Variants in SLC24A2 observed in about 807,000 individuals in gnomAD.
SLC24A2 encodes sodium/potassium/calcium exchanger 2.
SLC24A2 carries 36 observed loss-of-function variants against 62.0 expected under a neutral mutation model. The observed-to-expected ratio is 0.58, with a 90% CI of 0.44 to 0.77. The LOEUF (loss-of-function observed/expected upper bound fraction) is 0.77, where lower values mean the gene tolerates loss of function less well. Ranked by LOEUF, SLC24A2 falls within the 30% of genes least tolerant of loss-of-function variation. The probability of loss-of-function intolerance (pLI) is 0.00; values close to 1 mark genes in which losing one functional copy is unlikely to be tolerated. For missense variants in SLC24A2, 846 were observed against 817.9 expected, an observed-to-expected ratio of 1.03 and a Z score of -0.42; for synonymous variants, 358 against 294.0, an observed-to-expected ratio of 1.22 and a Z score of -2.23.
intron 8 of SLC24A2, among the ~76,000 whole-genome samples, chr9:19,546,327 T>G (rs1834565967): frequency 6.6e-6 from 1 of 152,042 alleles, no homozygotes; most frequent in African/African-American, 2.4e-5. Flanking sequence ...CCCAGGGAGA[T>G]GGGGGTTTTA....
Position 19,514,035 on chromosome 9 carries a change from T to G in SLC24A2, c.*2118A>C, listed in dbSNP as rs1164618663. 1 of 152,146 alleles carries G rather than the reference T, an allele frequency of 6.6e-6. No individual in the cohort carries two copies. Among genetic ancestry groups the G allele is most frequent in the Non-Finnish European group, 1.5e-5 (1 of 68,040 alleles). 9.4% of individuals were successfully genotyped at this position (152,146 alleles called of 1,614,324 possible). On this transcript the variant is annotated 3_prime_UTR_variant, in exon 11 of 11. Coordinates refer to ENST00000341998, the MANE Select transcript of SLC24A2 (RefSeq NM_020344.4). Reference sequence around the variant, plus strand: ...CATCTGAAGACCCCAATCTGCCGAGTTGGAGAGACTTGAAAGCCAGCCTCC... The same window carrying G: ...CATCTGAAGACCCCAATCTGCCGAGGTGGAGAGACTTGAAAGCCAGCCTCC...
the SLC24A2 span, among the ~76,000 whole-genome samples, chr9:19,941,328 CA>C: frequency 1.3e-5 from 2 of 152,144 alleles, no homozygotes; most frequent in Non-Finnish European, 2.9e-5. Flanking sequence ...TCCAATTCAT[CA>C]GCATGTTTAG....
chr9:20,233,717 T>C, the SLC24A2 span, among the ~76,000 whole-genome samples: 1 of 152,190 alleles, frequency 6.6e-6, no homozygotes, highest in Non-Finnish European at 1.5e-5. Flanking sequence ...AAGCATTTAG[T>C]CCATTTACAT....
chr9:20,103,565 C>G, the SLC24A2 span, among the ~76,000 whole-genome samples: 1 of 152,162 alleles, frequency 6.6e-6, no homozygotes, highest in Middle Eastern at 3.2e-3. Flanking sequence ...CTGCAGCCAC[C>G]GCTGCTGATT....
chr9:19,853,971 C>T, the SLC24A2 span, among the ~76,000 whole-genome samples: 1 of 152,160 alleles, frequency 6.6e-6, no homozygotes. Context: ...GTATTACTGC[C>T]TCAATTTCAG....
At chr9:19,743,252 T>G (rs1006085630) in intron 2 of SLC24A2, among the ~76,000 whole-genome samples, 1 of 152,206 alleles carries the variant, frequency 6.6e-6, no homozygotes, top group South Asian at 2.1e-4. Flanking sequence ...GGTTATGTCA[T>G]AGGGTTAGTC....
intron 2 of SLC24A2, among the ~76,000 whole-genome samples, chr9:19,757,593 C>T (rs893787408): frequency 2.6e-5 from 4 of 152,122 alleles, no homozygotes; most frequent in African/African-American, 9.7e-5. Context: ...AATAAAGAAA[C>T]ATCTAAAATA....
chr9:19,536,216 TAC>T (rs1354286227), intron 8 of SLC24A2, among the ~76,000 whole-genome samples: 2 of 151,514 alleles, frequency 1.3e-5, no homozygotes, highest in East Asian at 3.8e-4. Flanking sequence ...TTTTTTTTAT[TAC>T]ACTTTAAGTT....
chr9:19,784,575 C>T (rs553943097), intron 2 of SLC24A2, among the ~76,000 whole-genome samples: 1 of 152,264 alleles, frequency 6.6e-6, no homozygotes, highest in African/African-American at 2.4e-5. Context: ...CAATGTACAC[C>T]ACCCAAACGG....
chr9:20,303,916 G>A, the SLC24A2 span, among the ~76,000 whole-genome samples: 4 of 152,146 alleles, frequency 2.6e-5, no homozygotes, highest in South Asian at 6.2e-4. Context: ...TGCTTTGGAG[G>A]TTTGGATGGG....
intron 2 of SLC24A2, among the ~76,000 whole-genome samples, chr9:19,748,016 C>A (rs535075548): frequency 6.6e-6 from 1 of 152,204 alleles, no homozygotes; most frequent in Non-Finnish European, 1.5e-5. Flanking sequence ...TAAGGGCTGA[C>A]ACTCAGTTGC....
the SLC24A2 span, among the ~76,000 whole-genome samples, chr9:19,990,654 GA>G: frequency 1.4e-5 from 2 of 145,062 alleles, no homozygotes; most frequent in Admixed American, 6.8e-5. Flanking sequence ...AAAAGGAAAA[GA>G]AAAAGAAAAT....
intron 2 of SLC24A2, among the ~76,000 whole-genome samples, chr9:19,703,860 T>C (rs918315286): frequency 5.3e-5 from 8 of 152,334 alleles, no homozygotes; most frequent in African/African-American, 1.9e-4. Context: ...TATTTTGTAA[T>C]CCTTAAAAAT....
chr9:19,603,823 G>T (rs1317710380), intron 4 of SLC24A2, among the ~76,000 whole-genome samples: 1 of 152,150 alleles, frequency 6.6e-6, no homozygotes, highest in African/African-American at 2.4e-5. Flanking sequence ...TTTTGCGTTG[G>T]AATTTTACTA....
chr9:20,120,176 T>C, the SLC24A2 span, among the ~76,000 whole-genome samples: 55 of 152,340 alleles, frequency 3.6e-4, no homozygotes, highest in African/African-American at 1.3e-3. Context: ...AGTTTTCCAC[T>C]GTTTTGAAAA....
the SLC24A2 span, among the ~76,000 whole-genome samples, chr9:20,213,007 C>A: frequency 5.9e-5 from 9 of 151,622 alleles, no homozygotes; most frequent in African/African-American, 9.8e-5. Flanking sequence ...ACAACACATG[C>A]TGAGGCCTGA....
At chr9:20,026,521 C>T in the SLC24A2 span, among the ~76,000 whole-genome samples, 705 of 152,254 alleles carry the variant, frequency 4.6e-3, 12 homozygotes, top group African/African-American at 0.016. Flanking sequence ...TTGCGTGCCC[C>T]AGTTAATGGC....
At chr9:19,822,038 G>A in the SLC24A2 span, among the ~76,000 whole-genome samples, 4 of 152,096 alleles carry the variant, frequency 2.6e-5, no homozygotes, top group Non-Finnish European at 5.9e-5. Context: ...CTATAGCAGT[G>A]GTTCCCAACA....
the SLC24A2 span, among the ~76,000 whole-genome samples, chr9:19,976,123 A>C: frequency 2.6e-5 from 4 of 152,196 alleles, no homozygotes; most frequent in African/African-American, 9.6e-5. Flanking sequence ...GCCTCAAGCC[A>C]TCTTCCTGCC....
Sources: gnomAD v4.1 joint callset for allele counts (sites outside exome capture counted in the v4.1 genomes callset) on GRCh38, gnomAD v4.1.1 for gene constraint, MANE v1.5 for transcripts, NCBI Gene and HGNC (gene_info 2026-07-23, HGNC 2026-07-21) for gene names.